TPD52: variants seen among roughly 807,000 people sequenced by gnomAD.
The protein encoded by TPD52 is tumor protein D52, also known as prostate and colon associated protein.
In TPD52, 17 loss-of-function variants were observed where a neutral mutation model predicts 31.3. The ratio of observed to expected loss-of-function variants is 0.54; its 90% CI spans 0.37 to 0.82. TPD52 has a LOEUF of 0.82. Among genes scored for constraint, TPD52 ranks in the 40% least tolerant of loss-of-function variants. The pLI is 0.00. For synonymous variants in TPD52, 83 were observed against 89.6 expected, an observed-to-expected ratio of 0.93 and a Z score of 0.42; for missense variants, 212 against 240.1, an observed-to-expected ratio of 0.88 and a Z score of 0.77.
intron 7 of TPD52, 108 bp from the exon 8 acceptor site, chr8:80,038,343 T>C: frequency 1.8e-6 from 2 of 1,115,134 alleles, no homozygotes; most frequent in Admixed American, 2.2e-5. Flanking sequence ...TCAGCAACCT[T>C]ATAGCTCAGT....
intron 1 of TPD52, among the ~76,000 whole-genome samples, chr8:80,109,147 T>C (rs866972044): frequency 6.6e-6 from 1 of 152,102 alleles, no homozygotes; most frequent in East Asian, 1.9e-4. Flanking sequence ...CCTCAAGATA[T>C]TTGGGGGACC....
In TPD52 at chr8:80,163,894, T is replaced by G. The variant is rs184754697; in HGVS notation, c.19+7531A>C. On this transcript the variant is annotated intron_variant, in intron 1 of 7. Transcript: ENST00000518937. The stretch of plus-strand genomic sequence containing the variant: ...ACTTTTTTTAATGATGTGGTAAAAT[T>G]CTTATTATCAAATAATATCCAAAAC... Among the ~76,000 whole-genome samples the G allele has an allele frequency of 1.5e-4, 23 of 152,198 alleles. No homozygotes were observed. In the East Asian group the frequency reaches 4.2e-3, roughly 28 times the overall value.
chr8:80,162,727 T>C (rs994911655), intron 1 of TPD52, among the ~76,000 whole-genome samples: 5 of 151,814 alleles, frequency 3.3e-5, no homozygotes, highest in Middle Eastern at 3.2e-3. Context: ...CCAGAACATA[T>C]ATATAAAAAA....
intron 1 of TPD52, among the ~76,000 whole-genome samples, chr8:80,153,345 A>G (rs7014791): frequency 0.45 from 68,693 of 151,946 alleles, 15,793 homozygotes; most frequent in East Asian, 0.72. Context: ...TAAGCAGAGT[A>G]TATTGCCTTG....
At chr8:80,070,876 C>T (rs1813697123) in intron 1 of TPD52, among the ~76,000 whole-genome samples, 1 of 152,158 alleles carries the variant, frequency 6.6e-6, no homozygotes, top group Non-Finnish European at 1.5e-5. Context: ...TATTTGGAAA[C>T]AGGATTTCTG....
intron 1 of TPD52, among the ~76,000 whole-genome samples, chr8:80,115,264 G>A (rs1281938914): frequency 2.6e-5 from 4 of 152,046 alleles, no homozygotes; most frequent in South Asian, 2.1e-4. Context: ...GTCTCCGCCC[G>A]TCTACAGTGG....
chr8:80,057,859 A>C (rs1351331173), intron 2 of TPD52, among the ~76,000 whole-genome samples: 2 of 152,236 alleles, frequency 1.3e-5, no homozygotes, highest in African/African-American at 4.8e-5. Flanking sequence ...GACTATAAAG[A>C]AAATGAAAAG....
At chr8:80,046,151 A>G (rs1810824974) in intron 5 of TPD52, among the ~76,000 whole-genome samples, 3 of 152,214 alleles carry the variant, frequency 2.0e-5, no homozygotes, top group Non-Finnish European at 2.9e-5. Flanking sequence ...GTGGTAATAT[A>G]TAAGGAAAGG....
chr8:80,069,260 T>C (rs1214108312), intron 1 of TPD52, among the ~76,000 whole-genome samples: 2 of 151,900 alleles, frequency 1.3e-5, no homozygotes, highest in African/African-American at 4.8e-5. Context: ...GCCCAGGAGT[T>C]CGAGACCAGC....
At chr8:80,042,805 G>T in intron 6 of TPD52, 137 bp from the exon 7 acceptor site, 2 of 669,350 alleles carry the variant, frequency 3.0e-6, no homozygotes, top group Non-Finnish European at 4.9e-6. Flanking sequence ...CCATATATGT[G>T]CAGGTACATA....
chr8:80,085,735 T>A, intron 1 of TPD52, among the ~76,000 whole-genome samples: 1 of 152,166 alleles, frequency 6.6e-6, no homozygotes, highest in Non-Finnish European at 1.5e-5. Context: ...TTTGTAAAGA[T>A]TCAGACAAAA....
intron 1 of TPD52, among the ~76,000 whole-genome samples, chr8:80,072,794 C>CATATATATATAT (rs202061225): frequency 4.3e-4 from 61 of 141,964 alleles, no homozygotes; most frequent in African/African-American, 1.7e-3. Context: ...TACACACACA[C>CATATATATATAT]ACACATATAT....
intron 1 of TPD52, among the ~76,000 whole-genome samples, chr8:80,097,408 A>G: frequency 6.6e-6 from 1 of 152,246 alleles, no homozygotes; most frequent in East Asian, 1.9e-4. Flanking sequence ...CTGTGTTCCC[A>G]TCCAAATCTC....
At chr8:80,128,837 T>C (rs997344886) in intron 1 of TPD52, among the ~76,000 whole-genome samples, 1 of 152,128 alleles carries the variant, frequency 6.6e-6, no homozygotes, top group East Asian at 1.9e-4. Context: ...CACTTCTTCA[T>C]TTGTTTCATG....
Position 80,037,222 on chromosome 8 carries a change from C to T in TPD52, c.*894G>A, listed in dbSNP as rs79145344. 970 of 152,440 alleles carry T rather than the reference C, an allele frequency of 6.4e-3. 15 individuals carry two copies. Among genetic ancestry groups the T allele is most frequent in the East Asian group, 0.057 (292 of 5,168 alleles). 9.4% of individuals were successfully genotyped at this position (152,440 alleles called of 1,614,324 possible). ...GATTAAGTGAAGACAACAATGGTTC[C>T]CCTAATGTGATTGATATTGTCATTT... On this transcript the variant is annotated 3_prime_UTR_variant, in exon 8 of 8. Transcript: ENST00000518937.
At chr8:80,156,654 AAAG>A (rs1810992564) in intron 1 of TPD52, among the ~76,000 whole-genome samples, 1 of 152,182 alleles carries the variant, frequency 6.6e-6, no homozygotes, top group South Asian at 2.1e-4. Flanking sequence ...GGCCCAGGAA[AAAG>A]AATAGGAGAA....
chr8:80,114,301 C>A (rs1165069616), intron 1 of TPD52, among the ~76,000 whole-genome samples: 1 of 152,010 alleles, frequency 6.6e-6, no homozygotes, highest in East Asian at 1.9e-4. Context: ...ACACCCATTC[C>A]CCACTACCCT....
chr8:80,117,029 A>G (rs1422740097), intron 1 of TPD52, among the ~76,000 whole-genome samples: 1 of 152,194 alleles, frequency 6.6e-6, no homozygotes, highest in Non-Finnish European at 1.5e-5. Context: ...GTGTCTATGG[A>G]AAACCGCAGC....
At chr8:80,118,776 G>C (rs1681142632) in intron 1 of TPD52, among the ~76,000 whole-genome samples, 1 of 152,102 alleles carries the variant, frequency 6.6e-6, no homozygotes, top group Non-Finnish European at 1.5e-5. Context: ...AATAAGTGTT[G>C]GTGACGATCC....
Sources: allele counts gnomAD v4.1 joint callset (sites outside exome capture counted in the v4.1 genomes callset), GRCh38; gene constraint gnomAD v4.1.1; transcripts MANE v1.5; gene names NCBI Gene and HGNC (gene_info 2026-07-23, HGNC 2026-07-21).